The following CSMD3 variants were observed in gnomAD, a reference collection of about 807,000 sequenced individuals.
CSMD3 encodes the protein CUB and sushi domain-containing protein 3.
CSMD3 carries 177 observed loss-of-function variants against 435.2 expected under a neutral mutation model. The observed-to-expected ratio is 0.41, with a 90% CI of 0.36 to 0.46. The LOEUF (loss-of-function observed/expected upper bound fraction) is 0.46, where lower values mean the gene tolerates loss of function less well. CSMD3 is among the 20% of genes least tolerant of loss of function. CSMD3 has a pLI of 0.34. For missense variants in CSMD3, 4,265 were observed against 4,504.6 expected (o/e 0.95, Z 1.52); for synonymous variants, 1,656 against 1,520.5 (o/e 1.09, Z -2.07).
chr8:113,334,097 T>G (rs1329262475), intron 1 of CSMD3, among the ~76,000 whole-genome samples: 1 of 151,486 alleles, frequency 6.6e-6, no homozygotes, highest in African/African-American at 2.4e-5. Flanking sequence ...GATTTTTAAC[T>G]GATATTTGCT....
rs2074906394 is a variant in CSMD3, at chr8:112,643,934, GC to G, written c.3310+1174del. 3.3e-5 allele frequency among the ~76,000 whole-genome samples: 5 copies of G among 151,810 alleles called. No individual in the cohort carries two copies. In the South Asian group the frequency reaches 1.0e-3, roughly 32 times the overall value. ...GCAAATTTAAATGTATTAAACACAAGCTTTTAGTTTTAATGGTAATAACATC... is the reference window on the plus strand; with the variant it reads ...GCAAATTTAAATGTATTAAACACAAGTTTTAGTTTTAATGGTAATAACATC... On this transcript the variant is annotated intron_variant, in intron 20 of 70. Transcript: ENST00000297405.
chr8:113,227,699 G>T (rs1324439531), intron 3 of CSMD3, among the ~76,000 whole-genome samples: 1 of 151,616 alleles, frequency 6.6e-6, no homozygotes, highest in East Asian at 1.9e-4. Context: ...TTGTGAAGAA[G>T]ATGCTTGCTT....
chr8:113,108,912 T>A lies in CSMD3; in HGVS notation c.710-9949A>T, dbSNP rs2090559400. On this transcript the variant is annotated intron_variant, in intron 4 of 70. Transcript: ENST00000297405. ...TAGTCACAATCAAAATACTGGCAAA[T>A]GTGCATGTGTAAATTGACAAGCTGA... 3.3e-5 allele frequency among the ~76,000 whole-genome samples: 5 copies of A among 152,268 alleles called. No individual in the cohort carries two copies. In the South Asian group the frequency reaches 1.0e-3, roughly 32 times the overall value.
At chr8:112,226,130 T>A (rs1812534649) in intron 70 of CSMD3, among the ~76,000 whole-genome samples, 1 of 152,186 alleles carries the variant, frequency 6.6e-6, no homozygotes, top group African/African-American at 2.4e-5. Flanking sequence ...TTTCTGAATT[T>A]ATCTATATTT....
chr8:112,975,059 A>T (rs192426819), intron 7 of CSMD3, among the ~76,000 whole-genome samples: 2 of 151,814 alleles, frequency 1.3e-5, no homozygotes, highest in African/African-American at 4.8e-5. Context: ...TTTTTTCCTA[A>T]ACTTCTCTAT....
At chr8:113,397,286 G>A (rs2094488066) in intron 1 of CSMD3, among the ~76,000 whole-genome samples, 1 of 151,896 alleles carries the variant, frequency 6.6e-6, no homozygotes, top group Non-Finnish European at 1.5e-5. Context: ...CTTTTCATGT[G>A]TTATGTAAAC....
chr8:112,504,107 A>C (rs1476377354), intron 29 of CSMD3, 130 bp from the exon 30 acceptor site: 3 of 577,982 alleles, frequency 5.2e-6, no homozygotes, highest in African/African-American at 3.8e-5. Flanking sequence ...CGCTGTCAAA[A>C]TAAGCTAATA....
chr8:112,889,700 A>G (rs559243913), intron 10 of CSMD3, among the ~76,000 whole-genome samples: 1 of 151,804 alleles, frequency 6.6e-6, no homozygotes, highest in Admixed American at 6.6e-5. Flanking sequence ...AAAAGTTGGG[A>G]TTCTTCAAAA....
chr8:113,065,095 T>C (rs2088795486), intron 5 of CSMD3, among the ~76,000 whole-genome samples: 1 of 152,222 alleles, frequency 6.6e-6, no homozygotes, highest in South Asian at 2.1e-4. Flanking sequence ...TCTGGAGTTA[T>C]AAATGAGCTA....
At chr8:112,848,946 T>C (rs1433529858) in intron 11 of CSMD3, among the ~76,000 whole-genome samples, 1 of 152,120 alleles carries the variant, frequency 6.6e-6, no homozygotes, top group African/African-American at 2.4e-5. Flanking sequence ...ATTCTCTAAA[T>C]TTTAAGATCC....
chr8:113,176,219 T>C (rs770623359), intron 3 of CSMD3, among the ~76,000 whole-genome samples: 2 of 152,130 alleles, frequency 1.3e-5, no homozygotes, highest in Non-Finnish European at 2.9e-5. Flanking sequence ...CCTGCTGTTG[T>C]TTGTGCCTGT....
intron 12 of CSMD3, among the ~76,000 whole-genome samples, chr8:112,808,812 G>C (rs1417558997): frequency 1.3e-5 from 2 of 151,808 alleles, no homozygotes; most frequent in Non-Finnish European, 2.9e-5. Context: ...AGAGAATTTT[G>C]AGCGCTAGCC....
chr8:112,610,199 T>C (rs117968036), intron 22 of CSMD3, among the ~76,000 whole-genome samples: 8 of 152,236 alleles, frequency 5.3e-5, no homozygotes, highest in Non-Finnish European at 1.2e-4. Flanking sequence ...TGTAACTATG[T>C]GAGGGGATGG....
intron 32 of CSMD3, among the ~76,000 whole-genome samples, chr8:112,469,822 TC>T (rs1818343128): frequency 6.6e-6 from 1 of 152,152 alleles, no homozygotes; most frequent in South Asian, 2.1e-4. Flanking sequence ...AAAGTCATGT[TC>T]TAAGAGCATC....
At chr8:112,320,939 C>A (rs917567731) in intron 45 of CSMD3, among the ~76,000 whole-genome samples, 5 of 152,096 alleles carry the variant, frequency 3.3e-5, no homozygotes, top group Non-Finnish European at 5.9e-5. Flanking sequence ...AACAGTTCAT[C>A]TCATTGGATT....
intron 7 of CSMD3, among the ~76,000 whole-genome samples, chr8:112,956,699 T>C (rs1418990512): frequency 2.0e-5 from 3 of 152,192 alleles, no homozygotes; most frequent in South Asian, 2.1e-4. Context: ...GTTACTAATA[T>C]TGGGGGGCAG....
At chr8:113,147,139 G>C (rs2091694473) in intron 4 of CSMD3, among the ~76,000 whole-genome samples, 1 of 151,420 alleles carries the variant, frequency 6.6e-6, no homozygotes, top group Admixed American at 6.6e-5. Flanking sequence ...AATAAACTAA[G>C]GTTTGCATAT....
intron 1 of CSMD3, among the ~76,000 whole-genome samples, chr8:113,356,204 G>T (rs1024576522): frequency 2.0e-5 from 3 of 151,826 alleles, no homozygotes; most frequent in African/African-American, 7.3e-5. Flanking sequence ...ACCAAAATTT[G>T]AGCATTAGGA....
intron 13 of CSMD3, among the ~76,000 whole-genome samples, chr8:112,692,045 C>A (rs1419905966): frequency 6.6e-6 from 1 of 152,050 alleles, no homozygotes; most frequent in African/African-American, 2.4e-5. Flanking sequence ...TCAAATCATT[C>A]GCCCTCCTTG....
Sources: allele counts gnomAD v4.1 joint callset (sites outside exome capture counted in the v4.1 genomes callset), GRCh38; gene constraint gnomAD v4.1.1; transcripts MANE v1.5; gene names NCBI Gene and HGNC (gene_info 2026-07-23, HGNC 2026-07-21).